Variants in RGS20 observed in about 807,000 individuals in gnomAD.
The protein encoded by RGS20 is gz-selective GTPase-activating protein.
Under a neutral mutation model 33.6 loss-of-function variants are expected in RGS20, and 30 were observed. That is an observed-to-expected ratio of 0.89 (90% CI 0.67 to 1.21). The LOEUF is 1.21. Among genes scored for constraint, RGS20 ranks in the 50% most tolerant of loss-of-function variants. The pLI is 0.00. For synonymous variants in RGS20, 208 were observed against 197.9 expected, an observed-to-expected ratio of 1.05 and a Z score of -0.43; for missense variants, 472 against 502.4, an observed-to-expected ratio of 0.94 and a Z score of 0.58.
intron 2 of RGS20, among the ~76,000 whole-genome samples, chr8:53,887,652 T>C (rs1318805785): frequency 6.6e-6 from 1 of 152,194 alleles, no homozygotes; most frequent in Non-Finnish European, 1.5e-5. Flanking sequence ...AGGAAGTCAT[T>C]ATCCAGAGAA....
At chr8:53,948,230 T>C (rs189729879) in intron 4 of RGS20, among the ~76,000 whole-genome samples, 13 of 137,216 alleles carry the variant, frequency 9.5e-5, no homozygotes, top group African/African-American at 2.1e-4. Context: ...TATATATTTA[T>C]ATATGCTATA....
At chr8:53,889,138 C>A (rs1301120473) in intron 2 of RGS20, among the ~76,000 whole-genome samples, 1 of 152,112 alleles carries the variant, frequency 6.6e-6, no homozygotes, top group Non-Finnish European at 1.5e-5. Context: ...TTTCATAGTC[C>A]AAATCAGTTT....
Position 53,865,184 on chromosome 8 carries a change from C to T in RGS20, c.165+13120C>T, listed in dbSNP as rs145372039. 9.2e-5 allele frequency among the ~76,000 whole-genome samples: 14 copies of T among 152,308 alleles called. No homozygotes were observed. The East Asian group carries it at 1.7e-3, about 19-fold the overall frequency. ...AGAACAATGTCTTCCCTGTTCTTGC[C>T]GTCTTGTTTGTTGATTTTCAGGCTC... On this transcript the variant is annotated intron_variant, in intron 1 of 5. Coordinates refer to ENST00000297313, the MANE Select transcript of RGS20 (RefSeq NM_170587.4).
rs114359866 is a variant in RGS20 at position 53,910,873 on chromosome 8, A to G, written c.511-28703A>G. On this transcript the variant is annotated intron_variant, in intron 2 of 5. Transcript: ENST00000297313. Reference sequence around the variant, plus strand: ...TTTAATTTGTATGATATTTTGGAAAAGGAAAAACTATCATATCAATCTACA... The same window carrying G: ...TTTAATTTGTATGATATTTTGGAAAGGGAAAAACTATCATATCAATCTACA... Among the ~76,000 whole-genome samples the G allele has an allele frequency of 7.9e-3, 1,199 of 152,352 alleles. 17 individuals are homozygous for G. Among genetic ancestry groups the G allele is most frequent in the African/African-American group, 0.027 (1,137 of 41,578 alleles).
chr8:53,903,573 G>A (rs1373417816), intron 2 of RGS20, among the ~76,000 whole-genome samples: 2 of 152,154 alleles, frequency 1.3e-5, no homozygotes, highest in African/African-American at 4.8e-5. Flanking sequence ...TGCAGCCTTG[G>A]TGATGTCACT....
intron 2 of RGS20, among the ~76,000 whole-genome samples, chr8:53,892,818 G>C (rs1812751442): frequency 1.3e-5 from 2 of 151,640 alleles, no homozygotes; most frequent in African/African-American, 4.8e-5. Context: ...ATTTCTATTT[G>C]GTACAGTTTC....
intron 2 of RGS20, among the ~76,000 whole-genome samples, chr8:53,908,495 C>G (rs1297720514): frequency 6.6e-6 from 1 of 152,074 alleles, no homozygotes; most frequent in African/African-American, 2.4e-5. Flanking sequence ...CAAAAATTAG[C>G]CAGGCATAGT....
At chr8:53,913,170 TAGTC>T (rs1248817158) in intron 2 of RGS20, among the ~76,000 whole-genome samples, 1 of 152,140 alleles carries the variant, frequency 6.6e-6, no homozygotes, top group Admixed American at 6.5e-5. Flanking sequence ...TTCTCCATGT[TAGTC>T]AGGCTAGTAT....
chr8:53,952,817 T>A (rs757489206), intron 4 of RGS20, among the ~76,000 whole-genome samples: 22 of 152,354 alleles, frequency 1.4e-4, no homozygotes, highest in African/African-American at 4.6e-4. Flanking sequence ...ATAAAAGAGA[T>A]ATTAAGGATC....
Position 53,889,412 on chromosome 8 carries a change from C to CTTTTTTTTTTTTTT in RGS20, c.510+9836_510+9849dup, listed in dbSNP as rs34316630. On this transcript the variant is annotated intron_variant, in intron 2 of 5. Transcript: ENST00000297313. ...TCTTTCTTTCTTTCTCTCTCTCTCT[C>CTTTTTTTTTTTTTT]TTTTTTTTTTTTTTTTTTTTTTTTT... Among the ~76,000 whole-genome samples, 10 of 41,862 alleles carry CTTTTTTTTTTTTTT rather than the reference C, an allele frequency of 2.4e-4. 3 individuals carry two copies. Among genetic ancestry groups the CTTTTTTTTTTTTTT allele is most frequent in the Non-Finnish European group, 4.4e-4 (7 of 16,088 alleles). 27.5% of individuals were successfully genotyped at this position (41,862 alleles called of 152,430 possible). A position where few individuals can be genotyped will look rare whatever the true frequency, so the allele number is the denominator to read the frequency against.
In RGS20 at chr8:53,925,898, A is replaced by G. The variant is rs1379413200; in HGVS notation, c.511-13678A>G. On this transcript the variant is annotated intron_variant, in intron 2 of 5. Transcript: ENST00000297313. ...ATCTACCCAGCCATACTGCCCAAAG[A>G]AAAAATACTTCAAGAGCCAAGGTTT... Among the ~76,000 whole-genome samples, 12 of 152,132 alleles carry G rather than the reference A, an allele frequency of 7.9e-5. No individual in the cohort carries two copies. The East Asian group carries it at 2.3e-3, about 29-fold the overall frequency.
At chr8:53,885,488 T>C (rs930492919) in intron 2 of RGS20, among the ~76,000 whole-genome samples, 8 of 151,892 alleles carry the variant, frequency 5.3e-5, no homozygotes, top group Non-Finnish European at 1.0e-4. Flanking sequence ...TTAGCGGGCG[T>C]CTGTAGTACC....
Position 53,954,292 on chromosome 8 carries a change from T to C in RGS20, c.960T>C (p.Ser320=). Residue 320 remains serine (S), a synonymous_variant, in exon 5 of 6, where the codon TCT becomes TCC. Coordinates refer to ENST00000297313, the MANE Select transcript of RGS20 (RefSeq NM_170587.4). ...GGATAATCTATGAAGACTACATTTCTATACTTTCTCCTAAGGAGGTATGTG... is the reference window on the plus strand; with the variant it reads ...GGATAATCTATGAAGACTACATTTCCATACTTTCTCCTAAGGAGGTATGTG... The C allele has an allele frequency of 6.2e-7, 1 of 1,606,952 alleles. No individual in the cohort carries two copies. Among genetic ancestry groups the C allele is most frequent in the Non-Finnish European group, 8.5e-7 (1 of 1,173,924 alleles).
At chr8:53,927,621 G>A (rs1197162268) in intron 2 of RGS20, among the ~76,000 whole-genome samples, 1 of 152,088 alleles carries the variant, frequency 6.6e-6, no homozygotes, top group Non-Finnish European at 1.5e-5. Context: ...AGTACCTGGG[G>A]GATGATGTGT....
At chr8:53,940,570 T>C (rs959315178) in intron 3 of RGS20, among the ~76,000 whole-genome samples, 1 of 152,172 alleles carries the variant, frequency 6.6e-6, no homozygotes, top group East Asian at 1.9e-4. Context: ...AACTGATCCC[T>C]GGGGAGGAGA....
At chr8:53,894,321 G>C (rs892426662) in intron 2 of RGS20, among the ~76,000 whole-genome samples, 2 of 152,142 alleles carry the variant, frequency 1.3e-5, no homozygotes, top group African/African-American at 4.8e-5. Flanking sequence ...TCACACCAAG[G>C]GGGAGGGAGA....
At chr8:53,926,670 G>C (rs895611560) in intron 2 of RGS20, among the ~76,000 whole-genome samples, 1 of 152,128 alleles carries the variant, frequency 6.6e-6, no homozygotes, top group Non-Finnish European at 1.5e-5. Context: ...CCAGCACTTT[G>C]GGAGGCTGAA....
chr8:53,939,876 C>A, intron 3 of RGS20, 152 bp downstream of exon 2: 2 of 888,828 alleles, frequency 2.3e-6, no homozygotes, highest in Non-Finnish European at 3.3e-6. Context: ...CACACAGGGA[C>A]ACCCAAGAAA....
At chr8:53,878,804 G>C (rs1812264805) in intron 1 of RGS20, among the ~76,000 whole-genome samples, 1 of 152,142 alleles carries the variant, frequency 6.6e-6, no homozygotes, top group Non-Finnish European at 1.5e-5. Flanking sequence ...AAAGGGCAGG[G>C]GGAACAAGGG....
Sources: allele counts gnomAD v4.1 joint callset (sites outside exome capture counted in the v4.1 genomes callset), GRCh38; gene constraint gnomAD v4.1.1; transcripts MANE v1.5; gene names NCBI Gene and HGNC (gene_info 2026-07-23, HGNC 2026-07-21).